Variants in DNAH9 observed in about 807,000 individuals in gnomAD.
DNAH9 encodes the protein dynein axonemal heavy chain 9, also known as DNAH9 variant protein.
In DNAH9, 345 loss-of-function variants were observed where a neutral mutation model predicts 471.6. The observed-to-expected ratio is 0.73, with a 90% CI of 0.67 to 0.80. The LOEUF is 0.80. Ranked by LOEUF, DNAH9 falls within the 30% of genes least tolerant of loss-of-function variation. The pLI is 0.00. For missense variants in DNAH9, 5,407 were observed against 5,609.2 expected (o/e 0.96, Z 1.15); for synonymous variants, 2,093 against 2,123.6 (o/e 0.99, Z 0.40).
At position 11,724,134 on chromosome 17, in the gene DNAH9, G is replaced by A. The variant is rs568894201; in HGVS notation, c.5710-3684G>A. On this transcript the variant is annotated intron_variant, in intron 27 of 68. Coordinates refer to ENST00000262442, the MANE Select transcript of DNAH9 (RefSeq NM_001372.4). Reference sequence around the variant, plus strand: ...CATTATACATTGTAGTATAATGATCGAATCAGGGTAATTAGGATAACCATC... The same window carrying A: ...CATTATACATTGTAGTATAATGATCAAATCAGGGTAATTAGGATAACCATC... Among the ~76,000 whole-genome samples, 21 of 151,794 alleles carry A rather than the reference G, an allele frequency of 1.4e-4. 1 individual carries two copies. The highest frequency in any genetic ancestry group is 2.4e-4 in the Non-Finnish European group (16 of 67,976).
chr17:11,659,726 G>A (rs931713086), intron 14 of DNAH9, among the ~76,000 whole-genome samples: 3 of 152,152 alleles, frequency 2.0e-5, no homozygotes, highest in Non-Finnish European at 2.9e-5. Flanking sequence ...ACATCAGCAC[G>A]TCCTCACCAC....
rs1473656435 is a variant in DNAH9, at chr17:11,865,593, T to C, written c.9934-3541T>C. ...CCTTGCTAGATTGGGGAAGTTCTCCTGGATAATATCCTGCAGAGTGTTTTC... is the reference window on the plus strand; with the variant it reads ...CCTTGCTAGATTGGGGAAGTTCTCCCGGATAATATCCTGCAGAGTGTTTTC... On this transcript the variant is annotated intron_variant, in intron 50 of 68. Transcript: ENST00000262442. Among the ~76,000 whole-genome samples, 6 of 151,982 alleles carry C rather than the reference T, an allele frequency of 3.9e-5. No homozygotes were observed. The East Asian group carries it at 5.8e-4, about 15-fold the overall frequency.
At chr17:11,846,102 C>T (rs1282046562) in intron 49 of DNAH9, among the ~76,000 whole-genome samples, 1 of 148,826 alleles carries the variant, frequency 6.7e-6, no homozygotes, top group African/African-American at 2.5e-5. Context: ...AATGGTAATG[C>T]CTAGGTTTTC....
chr17:11,673,592 T>A (rs1051262525), intron 17 of DNAH9, among the ~76,000 whole-genome samples: 50 of 132,566 alleles, frequency 3.8e-4, no homozygotes, highest in Non-Finnish European at 7.8e-4. Flanking sequence ...AAAAGATGTG[T>A]TTATATTTGT....
chr17:11,799,519 G>A (rs1388494333), intron 43 of DNAH9, among the ~76,000 whole-genome samples: 1 of 151,756 alleles, frequency 6.6e-6, no homozygotes, highest in African/African-American at 2.4e-5. Context: ...TCACCCCAGT[G>A]CCAGCTCCCC....
At chr17:11,918,874 T>C (rs993107965) in intron 61 of DNAH9, among the ~76,000 whole-genome samples, 2 of 151,892 alleles carry the variant, frequency 1.3e-5, no homozygotes, top group African/African-American at 4.8e-5. Flanking sequence ...TAATCCCAGC[T>C]ACTTGGGAGG....
chr17:11,715,885 T>G (rs958311955), intron 26 of DNAH9, among the ~76,000 whole-genome samples: 2 of 152,076 alleles, frequency 1.3e-5, no homozygotes, highest in Admixed American at 6.5e-5. Context: ...CATGGTCTGC[T>G]GGCCCACACT....
At chr17:11,608,561 CT>C (rs1477328628) in intron 2 of DNAH9, among the ~76,000 whole-genome samples, 1 of 152,136 alleles carries the variant, frequency 6.6e-6, no homozygotes, top group African/African-American at 2.4e-5. Context: ...GCAATATGGC[CT>C]TTTTTTCCTT....
chr17:11,603,694 T>A (rs1386010794), intron 1 of DNAH9, among the ~76,000 whole-genome samples: 1 of 152,186 alleles, frequency 6.6e-6, no homozygotes, highest in Admixed American at 6.5e-5. Flanking sequence ...ATGACCCCCT[T>A]CATAGCAGAA....
At chr17:11,901,471 G>A (rs1480295237) in intron 59 of DNAH9, among the ~76,000 whole-genome samples, 17 of 152,106 alleles carry the variant, frequency 1.1e-4, no homozygotes, top group Non-Finnish European at 2.5e-4. Flanking sequence ...CGAGGCGGGT[G>A]GATCGCCTGA....
intron 50 of DNAH9, among the ~76,000 whole-genome samples, chr17:11,863,631 G>T (rs2150979545): frequency 6.6e-6 from 1 of 151,118 alleles, no homozygotes; most frequent in South Asian, 2.1e-4. Flanking sequence ...GTAGAATTCG[G>T]CTGTGAATCC....
At chr17:11,968,852 T>C (rs1976957421) in intron 68 of DNAH9, among the ~76,000 whole-genome samples, 1 of 152,148 alleles carries the variant, frequency 6.6e-6, no homozygotes, top group African/African-American at 2.4e-5. Context: ...TGGAGGAAGT[T>C]GCATATGAAA....
chr17:11,707,184 C>G (rs1191909196), intron 26 of DNAH9, among the ~76,000 whole-genome samples: 1 of 152,156 alleles, frequency 6.6e-6, no homozygotes, highest in Admixed American at 6.5e-5. Context: ...TAAACCTCCT[C>G]TTCCCCAAAA....
chr17:11,646,089 C>A (rs919904325), intron 11 of DNAH9, among the ~76,000 whole-genome samples: 12 of 152,066 alleles, frequency 7.9e-5, no homozygotes, highest in Admixed American at 5.2e-4. Flanking sequence ...CCGTGTTAGC[C>A]AGGATTGTCT....
intron 9 of DNAH9, among the ~76,000 whole-genome samples, chr17:11,638,140 G>C (rs1004609217): frequency 6.6e-5 from 10 of 151,416 alleles, no homozygotes; most frequent in African/African-American, 2.5e-4. Context: ...ATTATCAAAG[G>C]CTTTTAAGTA....
chr17:11,905,856 A>T, intron 61 of DNAH9, 47 bp downstream of exon 61: 1 of 1,551,506 alleles, frequency 6.4e-7, no homozygotes, highest in Non-Finnish European at 8.7e-7. Context: ...TGCCCCATGC[A>T]CTTTCATTCT....
At chr17:11,897,925 GGT>G (rs755420796) in intron 59 of DNAH9, among the ~76,000 whole-genome samples, 12 of 152,144 alleles carry the variant, frequency 7.9e-5, no homozygotes, top group Non-Finnish European at 1.8e-4. Flanking sequence ...CTGAAATTAA[GGT>G]GTCAGCAGGG....
chr17:11,784,435 G>C lies in DNAH9; in HGVS notation c.7957G>C (p.Asp2653His). 6.2e-7 allele frequency: 1 copy of C among 1,614,104 alleles called. No individual in the cohort carries two copies. Among genetic ancestry groups the C allele is most frequent in the Non-Finnish European group, 8.5e-7 (1 of 1,180,014 alleles). Residue 2653 changes from aspartate (D) to histidine (H), a missense_variant, in exon 41 of 69, where the codon GAT becomes CAT. Physicochemically the swap from Asp to His is moderately conservative, Grantham distance 81. Coordinates refer to ENST00000262442, the MANE Select transcript of DNAH9 (RefSeq NM_001372.4). Reference sequence around the variant, plus strand: ...GCAGAAATCCATCCCCCCACTGATCGATCTGGCCCTCGCCTTCCACCAGAA... The same window carrying C: ...GCAGAAATCCATCCCCCCACTGATCCATCTGGCCCTCGCCTTCCACCAGAA... ...SLQKSIPPLI[D>H]LALAFHQKIA...
At chr17:11,829,130 C>T (rs923162630) in intron 48 of DNAH9, among the ~76,000 whole-genome samples, 1 of 152,154 alleles carries the variant, frequency 6.6e-6, no homozygotes, top group African/African-American at 2.4e-5. Context: ...AATGATTCTT[C>T]TAGTAAAAAT....
Sources: allele counts gnomAD v4.1 joint callset (sites outside exome capture counted in the v4.1 genomes callset), GRCh38; gene constraint gnomAD v4.1.1; transcripts MANE v1.5; gene names NCBI Gene and HGNC (gene_info 2026-07-23, HGNC 2026-07-21).